The following CLBA1 variants were observed in gnomAD, a reference collection of about 807,000 sequenced individuals.
The protein encoded by CLBA1 is uncharacterized protein CLBA1.
CLBA1 carries 30 observed loss-of-function variants against 28.8 expected under a neutral mutation model. The ratio of observed to expected loss-of-function variants is 1.04; its 90% CI spans 0.78 to 1.41. The LOEUF is 1.41. Among genes scored for constraint, CLBA1 ranks in the 40% most tolerant of loss-of-function variants. The pLI, the probability that CLBA1 is intolerant of heterozygous loss-of-function variation, is 0.00. For synonymous variants in CLBA1, 160 were observed against 152.8 expected (o/e 1.05, Z -0.35); for missense variants, 451 against 412.3 (o/e 1.09, Z -0.81).
intron 4 of CLBA1, chr14:104,993,661 T>G (rs1348255471): frequency 1.0e-6 from 1 of 985,324 alleles, no homozygotes; most frequent in Non-Finnish European, 1.2e-6. Context: ...AAAGCTTTTC[T>G]GGGCTGGAGT....
intron 1 of CLBA1, among the ~76,000 whole-genome samples, chr14:104,987,330 G>T (rs1172854297): frequency 2.6e-5 from 4 of 152,298 alleles, no homozygotes. Context: ...AATGAATTGG[G>T]TGATGCCCAT....
downstream of CLBA1, among the ~76,000 whole-genome samples, chr14:105,000,193 A>G (rs1269558214): frequency 6.6e-6 from 1 of 152,254 alleles, no homozygotes; most frequent in African/African-American, 2.4e-5. Context: ...TCCAAAATAC[A>G]TAAGGAACTC....
At position 104,986,463 on chromosome 14, in the gene CLBA1, C is replaced by T. The variant is rs1899863558; in HGVS notation, c.32C>T (p.Pro11Leu). The T allele has an allele frequency of 1.9e-6, 3 of 1,613,060 alleles. No homozygotes were observed. Among genetic ancestry groups the T allele is most frequent in the Non-Finnish European group, 2.5e-6 (3 of 1,180,034 alleles). Residue 11 changes from proline (P) to leucine (L), a missense_variant, in exon 1 of 5, where the codon CCT (proline) becomes CTT (leucine). Coordinates refer to ENST00000547315, the MANE Select transcript of CLBA1 (RefSeq NM_174891.4). MQGRRELGGE[P>L]LSDLQEEAAS... ...GGCCGGCGGGAGCTGGGGGGAGAGC[C>T]TTTGAGTGACCTCCAGGAGGAAGCA...
chr14:105,001,067 T>TAAA (rs71454491), intron 2 of CLBA1, among the ~76,000 whole-genome samples: 166 of 126,254 alleles, frequency 1.3e-3, no homozygotes, highest in East Asian at 2.8e-3. Context: ...TATTCAGCTG[T>TAAA]AAAAAAAAAA....
downstream of CLBA1, among the ~76,000 whole-genome samples, chr14:104,998,989 A>G (rs1900215250): frequency 6.6e-6 from 1 of 152,230 alleles, no homozygotes; most frequent in African/African-American, 2.4e-5. Flanking sequence ...GTCAGTGCTG[A>G]GTAGAGAGTG....
downstream of CLBA1, among the ~76,000 whole-genome samples, chr14:104,999,800 A>G (rs1349437588): frequency 6.6e-6 from 1 of 152,256 alleles, no homozygotes; most frequent in African/African-American, 2.4e-5. Flanking sequence ...AATGCAGTGC[A>G]TAGAAGGAAA....
At chr14:104,998,415 T>A (rs1319647314), downstream of CLBA1, among the ~76,000 whole-genome samples, 1 of 146,582 alleles carries the variant, frequency 6.8e-6, no homozygotes, top group Admixed American at 6.8e-5. Flanking sequence ...CCCTATCTCT[T>A]AAAAAAAAAA....
At chr14:104,988,179 C>T (rs900601072) in intron 1 of CLBA1, among the ~76,000 whole-genome samples, 6 of 152,112 alleles carry the variant, frequency 3.9e-5, no homozygotes, top group African/African-American at 9.7e-5. Flanking sequence ...CCTCACACAG[C>T]GCTTAGTGCC....
At chr14:104,988,514 AT>A (rs1269572478) in intron 1 of CLBA1, among the ~76,000 whole-genome samples, 1 of 151,804 alleles carries the variant, frequency 6.6e-6, no homozygotes, top group East Asian at 1.9e-4. Flanking sequence ...TAATTTTTGT[AT>A]TTTTAGTAGA....
At chr14:104,987,470 A>G (rs910767583) in intron 1 of CLBA1, among the ~76,000 whole-genome samples, 1 of 151,858 alleles carries the variant, frequency 6.6e-6, no homozygotes, top group Non-Finnish European at 1.5e-5. Flanking sequence ...TCTTCCTTCC[A>G]TTGTTCCTCT....
At chr14:104,998,197 G>A (rs1368028655), downstream of CLBA1, among the ~76,000 whole-genome samples, 1 of 151,438 alleles carries the variant, frequency 6.6e-6, no homozygotes, top group African/African-American at 2.4e-5. Flanking sequence ...GCTTGAGGCC[G>A]GGAGTTTGAG....
chr14:104,991,350 A>G, intron 2 of CLBA1, 141 bp from the exon 3 acceptor site: 1 of 944,048 alleles, frequency 1.1e-6, no homozygotes, highest in Non-Finnish European at 1.6e-6. Flanking sequence ...AGAGTTCTTA[A>G]CAGCCATACG....
intron 3 of CLBA1, among the ~76,000 whole-genome samples, chr14:104,991,939 ACCACGCACACGCCG>A (rs1316557541): frequency 2.3e-4 from 34 of 150,076 alleles, no homozygotes; most frequent in East Asian, 3.9e-4. Flanking sequence ...CGCACATGCC[ACCACGCACACGCCG>A]CCACGCACAC....
At chr14:105,000,663 TATCAGTA>T (rs1462494803) in intron 2 of CLBA1, among the ~76,000 whole-genome samples, 1 of 152,120 alleles carries the variant, frequency 6.6e-6, no homozygotes, top group Non-Finnish European at 1.5e-5. Flanking sequence ...CAATGCTCCA[TATCAGTA>T]ATCATCAGGG....
Position 104,994,773 on chromosome 14 carries a change from T to C in CLBA1, c.*14T>C, listed in dbSNP as rs777648779. 1 of 1,589,764 alleles carries C rather than the reference T, an allele frequency of 6.3e-7. No homozygotes were observed. Among genetic ancestry groups the C allele is most frequent in the Admixed American group, 1.8e-5 (1 of 55,626 alleles). On this transcript the variant is annotated 3_prime_UTR_variant, in exon 5 of 5. Coordinates refer to ENST00000547315, the MANE Select transcript of CLBA1 (RefSeq NM_174891.4). ...GACGTTTGCTAAAATCAGGAGGACTTTGTACCTTTATGAGGAATTTTTCAT... is the reference window on the plus strand; with the variant it reads ...GACGTTTGCTAAAATCAGGAGGACTCTGTACCTTTATGAGGAATTTTTCAT...
intron 1 of CLBA1, among the ~76,000 whole-genome samples, chr14:104,988,192 A>G (rs2582574): frequency 0.32 from 48,397 of 151,906 alleles, 9,433 homozygotes; most frequent in African/African-American, 0.55. Context: ...TTAGTGCCCC[A>G]ATGTAGCACA....
At position 104,986,500 on chromosome 14, in the gene CLBA1, C is replaced by T. The variant is rs1351905384; in HGVS notation, c.69C>T (p.Ser23=). 2.5e-6 allele frequency: 4 copies of T among 1,613,728 alleles called. No individual in the cohort carries two copies. The highest frequency in any genetic ancestry group is 4.5e-5 in the East Asian group (2 of 44,868). The change falls in exon 1 of 5, where the codon TCC becomes TCT. Residue 23 remains serine (S), a synonymous_variant. Coordinates refer to ENST00000547315, the MANE Select transcript of CLBA1 (RefSeq NM_174891.4). ...SDLQEEAASA[S]LRVAPERLSD... The stretch of plus-strand genomic sequence containing the variant: ...TCCAGGAGGAAGCAGCCAGCGCTTC[C>T]CTCCGAGTGGCACCTGAGAGGCTGA...
intron 1 of CLBA1, among the ~76,000 whole-genome samples, chr14:104,987,329 G>T (rs1457387897): frequency 6.6e-6 from 1 of 152,194 alleles, no homozygotes; most frequent in Non-Finnish European, 1.5e-5. Flanking sequence ...TAATGAATTG[G>T]GTGATGCCCA....
At chr14:104,992,571 C>T (rs1176644419) in intron 3 of CLBA1, among the ~76,000 whole-genome samples, 2 of 152,200 alleles carry the variant, frequency 1.3e-5, no homozygotes, top group Non-Finnish European at 2.9e-5. Context: ...GTGAGATTCG[C>T]CCTGACTGTG....
Sources: gnomAD v4.1 joint callset for allele counts (sites outside exome capture counted in the v4.1 genomes callset) on GRCh38, gnomAD v4.1.1 for gene constraint, MANE v1.5 for transcripts, NCBI Gene and HGNC (gene_info 2026-07-23, HGNC 2026-07-21) for gene names.